ABL1: variants seen among roughly 807,000 people sequenced by gnomAD.
The protein encoded by ABL1 is tyrosine-protein kinase ABL1.
ABL1 carries 11 observed loss-of-function variants against 94.7 expected under a neutral mutation model. The observed-to-expected ratio is 0.12, with a 90% CI of 0.07 to 0.19. The LOEUF is 0.19. ABL1 is among the 10% of genes least tolerant of loss of function. The pLI is 1.00. For missense variants in ABL1, 1,082 were observed against 1,489.4 expected, an observed-to-expected ratio of 0.73 and a Z score of 4.50; for synonymous variants, 656 against 622.4, an observed-to-expected ratio of 1.05 and a Z score of -0.80.
Position 130,835,757 on chromosome 9 carries a change from C to CTTTCTG in ABL1, c.79+233_79+234insTTCTGT, listed in dbSNP as rs1043701929. Among the ~76,000 whole-genome samples, 1 of 149,318 alleles carries CTTTCTG rather than the reference C, an allele frequency of 6.7e-6. No individual in the cohort carries two copies. Among genetic ancestry groups the CTTTCTG allele is most frequent in the Non-Finnish European group, 1.5e-5 (1 of 66,230 alleles). ...TCTTCTCTTGTCTCTCTCTTTTTCT[C>CTTTCTG]TCTCTCTGTCTCTTTCTCTTTCTCG... On this transcript the variant is annotated intron_variant, in intron 1 of 10. Coordinates refer to ENST00000318560, the MANE Select transcript of ABL1 (RefSeq NM_005157.6). The surrounding 1 kb of genome is among the most constrained non-coding windows in gnomAD (Gnocchi z 4.6).
At chr9:130,768,181 G>A (rs1832207693) in intron 1 of ABL1, among the ~76,000 whole-genome samples, 1 of 152,042 alleles carries the variant, frequency 6.6e-6, no homozygotes, top group Admixed American at 6.5e-5. Flanking sequence ...CCTGAACCCT[G>A]TAAGCATTAG....
intron 1 of ABL1, among the ~76,000 whole-genome samples, chr9:130,755,834 T>C (rs2583836): frequency 0.53 from 81,156 of 152,072 alleles, 23,595 homozygotes; most frequent in African/African-American, 0.77. Context: ...GGGCTGTGAC[T>C]TTCCATCTGC....
In ABL1 at chr9:130,887,324, C is replaced by G. The variant is rs1432901821; in HGVS notation, c.*1641C>G. 4.3e-6 allele frequency: 1 copy of G among 233,138 alleles called. No individual in the cohort carries two copies. Among genetic ancestry groups the G allele is most frequent in the African/African-American group, 2.2e-5 (1 of 45,358 alleles). 14.4% of individuals were successfully genotyped at this position (233,138 alleles called of 1,614,324 possible). A position where few individuals can be genotyped will look rare whatever the true frequency, so the allele number is the denominator to read the frequency against. ...ACCTCTTTGCCCCCGACGGCTGTGA[C>G]GCAGCCGGAGGGAGGCACTAGTCAC... On this transcript the variant is annotated 3_prime_UTR_variant, in exon 11 of 11. Transcript: ENST00000318560.
intron 1 of ABL1, among the ~76,000 whole-genome samples, chr9:130,837,713 A>G (rs980463302): frequency 6.6e-6 from 1 of 152,208 alleles, no homozygotes; most frequent in African/African-American, 2.4e-5. Context: ...GTAGACTTTA[A>G]CAAGCCTCAG....
In ABL1 at chr9:130,884,893, G is replaced by A; in HGVS notation, c.2603G>A (p.Gly868Asp). The A allele has an allele frequency of 3.7e-6, 6 of 1,609,124 alleles. No individual in the cohort carries two copies. Among genetic ancestry groups the A allele is most frequent in the Non-Finnish European group, 5.1e-6 (6 of 1,178,440 alleles). ...GSGAPGGTSKGPAEESRVRRH... is the reference protein window; with the variant it reads ...GSGAPGGTSKDPAEESRVRRH... ...GGTGCACCAGGGGGCACCAGCAAGG[G>A]CCCCGCCGAGGAGTCCAGAGTGAGG... Residue 868 changes from glycine (G) to aspartate (D), a missense_variant, in exon 11 of 11, where the codon GGC becomes GAC. By Grantham distance (94) the Gly-to-Asp change is moderately conservative. Coordinates refer to ENST00000318560, the MANE Select transcript of ABL1 (RefSeq NM_005157.6). This position sits in a 1 kb window ranked among gnomAD's most constrained non-coding sequence, Gnocchi z 5.6.
intron 1 of ABL1, among the ~76,000 whole-genome samples, chr9:130,716,072 CTTTTTTTT>C (rs71389339): frequency 2.0e-3 from 183 of 91,156 alleles, no homozygotes; most frequent in African/African-American, 2.4e-3. Context: ...GAAAAATGTC[CTTTTTTTT>C]TTTTTTTTTT....
chr9:130,848,458 C>T (rs1359824647), intron 1 of ABL1, among the ~76,000 whole-genome samples: 1 of 143,882 alleles, frequency 7.0e-6, no homozygotes. Flanking sequence ...CTGGAGGTTG[C>T]AGTGAGCCTA....
chr9:130,735,963 T>TATATATA lies in ABL1; in HGVS notation c.136+21508_136+21509insATATATA, dbSNP rs1554757978. On this transcript the variant is annotated intron_variant, in intron 1 of 10. Coordinates refer to the ABL1 transcript ENST00000372348. ...TATATATATATATATATATATATAT[T>TATATATA]TTTTTTTTTTAAGACAGGGTCTGGC... 1.1e-3 allele frequency among the ~76,000 whole-genome samples: 86 copies of TATATATA among 77,944 alleles called. 1 individual carries two copies. Among genetic ancestry groups the TATATATA allele is most frequent in the Middle Eastern group, 5.7e-3 (1 of 176 alleles). 51.1% of individuals were successfully genotyped at this position (77,944 alleles called of 152,430 possible).
chr9:130,782,203 C>T (rs913914599), intron 1 of ABL1, among the ~76,000 whole-genome samples: 1 of 152,130 alleles, frequency 6.6e-6, no homozygotes, highest in East Asian at 1.9e-4. Context: ...GGACTACAGG[C>T]ATGCGCCACC....
At chr9:130,764,043 T>C (rs1313803738) in intron 1 of ABL1, among the ~76,000 whole-genome samples, 1 of 151,612 alleles carries the variant, frequency 6.6e-6, no homozygotes, top group East Asian at 1.9e-4. Context: ...GGCCGCTGAG[T>C]GGGCGTTTGG....
intron 1 of ABL1, among the ~76,000 whole-genome samples, chr9:130,753,874 G>C (rs774332876): frequency 5.3e-5 from 8 of 152,146 alleles, no homozygotes; most frequent in Non-Finnish European, 1.2e-4. Context: ...TAGCTTGGAG[G>C]AGAGAAGCCT....
intron 1 of ABL1, among the ~76,000 whole-genome samples, chr9:130,734,109 T>C (rs1274475303): frequency 1.3e-5 from 2 of 152,220 alleles, no homozygotes; most frequent in African/African-American, 4.8e-5. Context: ...TAATGCATTT[T>C]GAAAACATTT....
At chr9:130,768,309 T>G (rs1832209123) in intron 1 of ABL1, among the ~76,000 whole-genome samples, 2 of 152,224 alleles carry the variant, frequency 1.3e-5, no homozygotes, top group African/African-American at 2.4e-5. Context: ...GGTCTGTAAC[T>G]TGGGAGGCTT....
At chr9:130,778,474 C>T (rs1829700456) in intron 1 of ABL1, among the ~76,000 whole-genome samples, 1 of 152,172 alleles carries the variant, frequency 6.6e-6, no homozygotes, top group African/African-American at 2.4e-5. Context: ...CAGGCGTGTG[C>T]CTTGGCTGGC....
chr9:130,771,240 GTGTATGTA>G (rs60782706), intron 1 of ABL1, among the ~76,000 whole-genome samples: 16 of 151,694 alleles, frequency 1.1e-4, no homozygotes, highest in African/African-American at 2.9e-4. Context: ...ATGTGTGTGT[GTGTATGTA>G]TGTATGTATG....
At chr9:130,753,422 C>CTTTTTTTTTTTT (rs71389347) in intron 1 of ABL1, among the ~76,000 whole-genome samples, 4 of 90,342 alleles carry the variant, frequency 4.4e-5, no homozygotes, top group Non-Finnish European at 5.9e-5. Flanking sequence ...TTTTTCTTTT[C>CTTTTTTTTTTTT]TTTTTTTTTT....
intron 1 of ABL1, among the ~76,000 whole-genome samples, chr9:130,778,572 T>C (rs1829703053): frequency 6.6e-6 from 1 of 152,028 alleles, no homozygotes; most frequent in African/African-American, 2.4e-5. Context: ...GCCATCTTCA[T>C]GTTTGGGGCT....
In ABL1 at chr9:130,880,751, G is replaced by A. The variant is rs1163398090; in HGVS notation, c.1678+87G>A. ...GGCCATCATAGGCCAACGGGAAGCTGTGAATGGAGCCCGCACAGAAGGGCA... is the reference window on the plus strand; with the variant it reads ...GGCCATCATAGGCCAACGGGAAGCTATGAATGGAGCCCGCACAGAAGGGCA... On this transcript the variant is annotated intron_variant, in intron 10 of 10. Coordinates refer to ENST00000318560, the MANE Select transcript of ABL1 (RefSeq NM_005157.6). This position sits in a 1 kb window ranked among gnomAD's most constrained non-coding sequence, Gnocchi z 4.4. The A allele has an allele frequency of 4.0e-6, 6 of 1,487,498 alleles. No individual in the cohort carries two copies. In the East Asian group the frequency reaches 1.4e-4, roughly 35 times the overall value. The allele number at this position is 1,487,498 out of a possible 1,614,324, so 92.1% of individuals were successfully genotyped here.
Position 130,874,279 on chromosome 9 carries a change from A to G in ABL1, c.1086-589A>G, listed in dbSNP as rs189049945. Among the ~76,000 whole-genome samples, 473 of 152,312 alleles carry G rather than the reference A, an allele frequency of 3.1e-3. 1 individual carries two copies. Among genetic ancestry groups the G allele is most frequent in the Middle Eastern group, 6.8e-3 (2 of 294 alleles). ...TGAGAGGAAGCAGATTATACAGGAG[A>G]GAGTTTTTTAGGATACATTTGGGTA... On this transcript the variant is annotated intron_variant, in intron 6 of 10. Transcript: ENST00000318560.
Sources: allele counts gnomAD v4.1 joint callset (sites outside exome capture counted in the v4.1 genomes callset), GRCh38; gene constraint gnomAD v4.1.1; non-coding constraint Gnocchi (gnomAD v3.1); transcripts MANE v1.5; gene names NCBI Gene and HGNC (gene_info 2026-07-23, HGNC 2026-07-21).